KIF4A: variants seen among roughly 807,000 people sequenced by gnomAD.
KIF4A encodes the protein kinesin family member 4A.
In KIF4A, 7 loss-of-function variants were observed where a neutral mutation model predicts 105.9. The observed-to-expected ratio is 0.07, with a 90% CI of 0.04 to 0.12. The LOEUF (loss-of-function observed/expected upper bound fraction) is 0.12, where lower values mean the gene tolerates loss of function less well. KIF4A is among the 10% of genes least tolerant of loss of function. The pLI is 1.00. For synonymous variants in KIF4A, 281 were observed against 331.3 expected (o/e 0.85, Z 1.65); for missense variants, 558 against 929.2 (o/e 0.60, Z 5.19).
chrX:70,333,239 T>C (rs932219002), intron 9 of KIF4A, among the ~76,000 whole-genome samples: 6 of 105,368 alleles, frequency 5.7e-5, no homozygotes, highest in South Asian at 4.3e-4. Context: ...CTTGGGAGGC[T>C]GAGGCAGGAG....
chrX:70,419,002 G>A (rs748449693), intron 29 of KIF4A, among the ~76,000 whole-genome samples: 5 of 109,752 alleles, frequency 4.6e-5, no homozygotes, highest in Non-Finnish European at 9.5e-5. Flanking sequence ...GGAGAATGGC[G>A]TGAACCCGGG....
rs1383843106 is a variant in KIF4A at position 70,373,765 on chromosome X, CGT to C, written c.1675-385_1675-384del. ...ATATATACGTGTATATATATATATACGTATATATACACATATATATACATATA... is the reference window on the plus strand; with the variant it reads ...ATATATACGTGTATATATATATATACATATATACACATATATATACATATA... On this transcript the variant is annotated intron_variant, in intron 15 of 30. Transcript: ENST00000374403. Among the ~76,000 whole-genome samples, 54 of 65,923 alleles carry C rather than the reference CGT, an allele frequency of 8.2e-4. 2 individuals carry two copies. The highest frequency in any genetic ancestry group is 3.2e-3 in the African/African-American group (54 of 16,738). 57.2% of individuals were successfully genotyped at this position (65,923 alleles called of 115,157 possible).
intron 28 of KIF4A, among the ~76,000 whole-genome samples, chrX:70,417,636 G>T (rs1387577692): frequency 9.0e-6 from 1 of 111,663 alleles, no homozygotes; most frequent in Non-Finnish European, 1.9e-5. Context: ...GACATAATAA[G>T]ACTCCATCTC....
At chrX:70,357,186 C>T (rs1002926179) in intron 15 of KIF4A, among the ~76,000 whole-genome samples, 1 of 111,049 alleles carries the variant, frequency 9.0e-6, no homozygotes, top group African/African-American at 3.3e-5. Context: ...TGGTGGCGGG[C>T]GCCTGTAGTC....
chrX:70,370,190 G>A (rs751576979), intron 15 of KIF4A, among the ~76,000 whole-genome samples: 3 of 110,660 alleles, frequency 2.7e-5, no homozygotes, highest in Non-Finnish European at 3.8e-5. Flanking sequence ...TTAACAATGC[G>A]TTTCTCAGAA....
At chrX:70,295,355 T>C (rs1008691808) in intron 3 of KIF4A, among the ~76,000 whole-genome samples, 1 of 108,350 alleles carries the variant, frequency 9.2e-6, no homozygotes, top group Non-Finnish European at 1.9e-5. Context: ...TTTGTGTTTT[T>C]AGTACAGATA....
chrX:70,350,837 C>T (rs1243050149), intron 13 of KIF4A, among the ~76,000 whole-genome samples: 1 of 112,271 alleles, frequency 8.9e-6, no homozygotes, highest in Non-Finnish European at 1.9e-5. Flanking sequence ...AGCTTTTTCA[C>T]CTATGACCTC....
intron 10 of KIF4A, among the ~76,000 whole-genome samples, chrX:70,338,439 C>T (rs1241616620): frequency 8.9e-6 from 1 of 112,106 alleles, no homozygotes; most frequent in Non-Finnish European, 1.9e-5. Context: ...GCTTCTTTCA[C>T]TTATGTTTTG....
At chrX:70,379,341 A>G (rs917849943) in intron 18 of KIF4A, among the ~76,000 whole-genome samples, 2 of 111,686 alleles carry the variant, frequency 1.8e-5, no homozygotes, top group Non-Finnish European at 3.8e-5. Context: ...AATGCCTGGA[A>G]AGACAAAAAC....
At chrX:70,371,705 A>AC (rs1179244071) in intron 15 of KIF4A, among the ~76,000 whole-genome samples, 16 of 93,183 alleles carry the variant, frequency 1.7e-4, no homozygotes, top group Admixed American at 3.4e-4. Context: ...GCGGGGCCTG[A>AC]CCCCCCCACC....
chrX:70,420,289 C>G lies in KIF4A; in HGVS notation c.*24C>G, dbSNP rs769915839. 4.2e-6 allele frequency: 5 copies of G among 1,180,563 alleles called. No individual in the cohort carries two copies. Among genetic ancestry groups the G allele is most frequent in the South Asian group, 3.9e-5 (2 of 51,070 alleles). Reference sequence around the variant, plus strand: ...GAAGTTGGAGTCATCATCTCTACCCCCAGTCTGGCTTGGGAGATGCTTTCA... The same window carrying G: ...GAAGTTGGAGTCATCATCTCTACCCGCAGTCTGGCTTGGGAGATGCTTTCA... On this transcript the variant is annotated 3_prime_UTR_variant, in exon 31 of 31. Transcript: ENST00000374403.
At chrX:70,345,162 A>G (rs2147699705) in intron 13 of KIF4A, among the ~76,000 whole-genome samples, 1 of 112,284 alleles carries the variant, frequency 8.9e-6, no homozygotes, top group Non-Finnish European at 1.9e-5. Flanking sequence ...TGATTCAAAT[A>G]GGGGTTAAAA....
rs1173417408 is a variant in KIF4A, at chrX:70,349,730, G to A, written c.1432-2870G>A. ...CAGAGACGCTCCTCACCTCCCAGAC[G>A]GGGTGGCGGCCAGGCAGAGGCGCTC... On this transcript the variant is annotated intron_variant, in intron 13 of 30. Coordinates refer to ENST00000374403, the MANE Select transcript of KIF4A (RefSeq NM_012310.5). 6.7e-4 allele frequency among the ~76,000 whole-genome samples: 46 copies of A among 68,515 alleles called. 1 individual carries two copies. The highest frequency in any genetic ancestry group is 9.5e-4 in the Non-Finnish European group (35 of 36,738). The allele number at this position is 68,515 out of a possible 115,157, so 59.5% of individuals were successfully genotyped here.
At chrX:70,293,308 TATG>T (rs2085768244) in intron 3 of KIF4A, among the ~76,000 whole-genome samples, 1 of 112,596 alleles carries the variant, frequency 8.9e-6, no homozygotes, top group Non-Finnish European at 1.9e-5. Context: ...TTGACATAAA[TATG>T]ATGATCATTT....
At chrX:70,297,915 A>G (rs2085789428) in intron 4 of KIF4A, among the ~76,000 whole-genome samples, 1 of 111,680 alleles carries the variant, frequency 9.0e-6, no homozygotes, top group Admixed American at 9.5e-5. Context: ...CTGAAGTTCA[A>G]TCTCAGCATG....
At chrX:70,376,967 C>T (rs1401161632) in intron 18 of KIF4A, among the ~76,000 whole-genome samples, 2 of 111,956 alleles carry the variant, frequency 1.8e-5, no homozygotes, top group Admixed American at 1.9e-4. Flanking sequence ...GAATATACAT[C>T]TGACAACAGA....
chrX:70,383,186 C>CA (rs372003538), intron 18 of KIF4A, among the ~76,000 whole-genome samples: 10,544 of 55,796 alleles, frequency 0.19, 580 homozygotes, highest in Middle Eastern at 0.32. Context: ...GACTCCATCT[C>CA]AAAAAAAAAA....
chrX:70,371,433 C>T (rs924017145), intron 15 of KIF4A, among the ~76,000 whole-genome samples: 5 of 111,795 alleles, frequency 4.5e-5, no homozygotes, highest in East Asian at 5.7e-4. Flanking sequence ...CCTTTCCCCC[C>T]GCTCTATTCC....
intron 3 of KIF4A, among the ~76,000 whole-genome samples, chrX:70,292,928 A>G (rs1287794728): frequency 4.4e-5 from 5 of 112,493 alleles, no homozygotes; most frequent in Non-Finnish European, 9.4e-5. Context: ...TTGCAAAAAC[A>G]AAGTCAATAT....
Sources: gnomAD v4.1 joint callset for allele counts (sites outside exome capture counted in the v4.1 genomes callset) on GRCh38, gnomAD v4.1.1 for gene constraint, MANE v1.5 for transcripts, NCBI Gene and HGNC (gene_info 2026-07-23, HGNC 2026-07-21) for gene names.